BBS7: variants seen among roughly 807,000 people sequenced by gnomAD.
BBS7 encodes Bardet-Biedl syndrome 7, also known as BBSome complex member BBS7.
A neutral mutation model predicts 90.3 loss-of-function variants in BBS7; 50 were observed. That is an observed-to-expected ratio of 0.55 (90% confidence interval 0.44 to 0.70). BBS7 has a LOEUF of 0.70. Among genes scored for constraint, BBS7 ranks in the 30% least tolerant of loss-of-function variants. BBS7 has a pLI of 0.00. For synonymous variants in BBS7, 235 were observed against 287.4 expected (o/e 0.82, Z 1.85); for missense variants, 729 against 838.9 (o/e 0.87, Z 1.62).
In BBS7 at chr4:121,834,959, C is replaced by A. The variant is rs1725377199; in HGVS notation, c.1511+185G>T. On this transcript the variant is annotated intron_variant, in intron 14 of 18. Transcript: ENST00000264499. ...GAAAGATGGGAAAGTCCAACTCAAA[C>A]CAGCCTCTAAAATAAGACAAAGAAT... 4.6e-5 allele frequency among the ~76,000 whole-genome samples: 7 copies of A among 152,064 alleles called. 1 individual carries two copies. The South Asian group carries it at 1.2e-3, about 27-fold the overall frequency.
At chr4:121,838,365 A>G (rs1446900972) in intron 13 of BBS7, among the ~76,000 whole-genome samples, 1 of 65,240 alleles carries the variant, frequency 1.5e-5, no homozygotes, top group Admixed American at 2.1e-4. Context: ...ATCTCTCTTG[A>G]AAAAAAAAAA....
intron 13 of BBS7, among the ~76,000 whole-genome samples, chr4:121,836,155 G>T (rs1326104577): frequency 6.6e-6 from 1 of 152,158 alleles, no homozygotes; most frequent in Non-Finnish European, 1.5e-5. Context: ...GATATCCTGA[G>T]AATTCAACAT....
intron 3 of BBS7, among the ~76,000 whole-genome samples, chr4:121,862,463 T>C (rs1727034446): frequency 6.6e-6 from 1 of 152,198 alleles, no homozygotes. Context: ...TTCCATATAA[T>C]ATATAATGAA....
At chr4:121,828,123 G>A (rs763404489) in intron 18 of BBS7, 23 bp downstream of exon 18, 2 of 1,612,160 alleles carry the variant, frequency 1.2e-6, no homozygotes, top group Non-Finnish European at 1.7e-6. Flanking sequence ...ATATGGCAAG[G>A]TATTCTAGAA....
chr4:121,831,713 C>A (rs1245518550), intron 15 of BBS7, among the ~76,000 whole-genome samples: 1 of 152,032 alleles, frequency 6.6e-6, no homozygotes, highest in Non-Finnish European at 1.5e-5. Flanking sequence ...AGTGAAAAAC[C>A]TCCACAGAAT....
At chr4:121,844,088 G>A in intron 11 of BBS7, 87 bp from the exon 12 acceptor site, 1 of 813,588 alleles carries the variant, frequency 1.2e-6, no homozygotes, top group Non-Finnish European at 2.0e-6. Flanking sequence ...GTTCTCCTTA[G>A]TTCTAGTTTA....
chr4:121,833,277 A>G lies in BBS7; in HGVS notation c.1630T>C (p.Tyr544His). ...GTATCTAGAAAGGTGTTCTGAAAGT[A>G]AAATGTCACACATTCTCCTGCTGGA... Reference protein sequence around the residue: ...KPPAGECVTFYFQNTFLDTQL... With the variant: ...KPPAGECVTFHFQNTFLDTQL... The change falls in exon 15 of 19, where the codon TAC (tyrosine) becomes CAC (histidine). Residue 544 changes from tyrosine (Y) to histidine (H), a missense_variant. Coordinates refer to ENST00000264499, the MANE Select transcript of BBS7 (RefSeq NM_176824.3). The G allele has an allele frequency of 1.2e-6, 2 of 1,614,044 alleles. No homozygotes were observed. The highest frequency in any genetic ancestry group is 1.7e-6 in the Non-Finnish European group (2 of 1,179,942).
intron 2 of BBS7, 96 bp from the exon 3 acceptor site, chr4:121,863,375 T>C: frequency 9.0e-7 from 1 of 1,113,448 alleles, no homozygotes; most frequent in Non-Finnish European, 1.3e-6. Flanking sequence ...TTATAAATAC[T>C]GACTTAATAG....
intron 11 of BBS7, among the ~76,000 whole-genome samples, chr4:121,844,944 C>T (rs564377304): frequency 6.6e-6 from 1 of 152,264 alleles, no homozygotes; most frequent in South Asian, 2.1e-4. Context: ...ACTGTCTTTT[C>T]TAACTCTTCT....
At chr4:121,838,249 G>T (rs1455999108) in intron 13 of BBS7, among the ~76,000 whole-genome samples, 1 of 150,030 alleles carries the variant, frequency 6.7e-6, no homozygotes, top group Non-Finnish European at 1.5e-5. Flanking sequence ...TTCTTTCAAA[G>T]TACATAAAAG....
Position 121,844,009 on chromosome 4 carries a change from C to A in BBS7, c.1231-8G>T. ...ATCTATTGGAACATCACTCTATAGT[C>A]AATATTAAAAAAAAAGAAGGTTGAG... On this transcript the variant is annotated splice_region_variant and splice_polypyrimidine_tract_variant and intron_variant, in intron 11 of 18. Coordinates refer to ENST00000264499, the MANE Select transcript of BBS7 (RefSeq NM_176824.3). The A allele has an allele frequency of 6.5e-7, 1 of 1,545,752 alleles. No individual in the cohort carries two copies. Among genetic ancestry groups the A allele is most frequent in the South Asian group, 1.2e-5 (1 of 85,032 alleles).
chr4:121,828,381 C>G, intron 17 of BBS7, 21 bp downstream of exon 17: 4 of 1,601,312 alleles, frequency 2.5e-6, no homozygotes, highest in Non-Finnish European at 3.4e-6. Flanking sequence ...ATCACCAGTC[C>G]ACGACGACAC....
At chr4:121,864,937 C>G (rs1727176714) in intron 2 of BBS7, among the ~76,000 whole-genome samples, 1 of 152,062 alleles carries the variant, frequency 6.6e-6, no homozygotes, top group Non-Finnish European at 1.5e-5. Context: ...CTATTTGAAA[C>G]TATATATTGT....
chr4:121,838,374 A>AC (rs1342934491), intron 13 of BBS7, among the ~76,000 whole-genome samples: 1 of 151,926 alleles, frequency 6.6e-6, no homozygotes, highest in Non-Finnish European at 1.5e-5. Context: ...GAAAAAAAAA[A>AC]AAAAAACCTT....
At chr4:121,848,304 T>C (rs1443290249) in intron 9 of BBS7, among the ~76,000 whole-genome samples, 1 of 152,196 alleles carries the variant, frequency 6.6e-6, no homozygotes, top group Non-Finnish European at 1.5e-5. Context: ...AAGTTTTAAA[T>C]TGTACAACAT....
chr4:121,827,416 A>C (rs981372983), intron 18 of BBS7, among the ~76,000 whole-genome samples: 3 of 152,204 alleles, frequency 2.0e-5, no homozygotes, highest in Non-Finnish European at 2.9e-5. Flanking sequence ...CTAACTTGCT[A>C]GGTGACAACA....
chr4:121,868,372 A>T (rs1342194137), intron 1 of BBS7, among the ~76,000 whole-genome samples: 1 of 152,168 alleles, frequency 6.6e-6, no homozygotes, highest in East Asian at 1.9e-4. Context: ...CTTTGAAAAT[A>T]GATTATAGTT....
rs1727374072 is a variant in BBS7, at chr4:121,867,910, A to G, written c.102+71T>C. ...ATTTTTAAGAGAATAACTTAATAAT[A>G]AAGAAGGAAATAGGAGCCTCTCCTC... On this transcript the variant is annotated intron_variant, in intron 2 of 18. Coordinates refer to ENST00000264499, the MANE Select transcript of BBS7 (RefSeq NM_176824.3). 9.3e-6 allele frequency: 12 copies of G among 1,290,028 alleles called. No individual in the cohort carries two copies. The South Asian group carries it at 1.1e-4, about 12-fold the overall frequency. The allele number at this position is 1,290,028 out of a possible 1,614,324, so 79.9% of individuals were successfully genotyped here.
chr4:121,835,699 C>T (rs1017335101), intron 13 of BBS7, among the ~76,000 whole-genome samples: 1 of 151,974 alleles, frequency 6.6e-6, no homozygotes, highest in African/African-American at 2.4e-5. Flanking sequence ...ATCTGATAAA[C>T]TTATATTTTG....
Sources: allele counts gnomAD v4.1 joint callset (sites outside exome capture counted in the v4.1 genomes callset), GRCh38; gene constraint gnomAD v4.1.1; transcripts MANE v1.5; gene names NCBI Gene and HGNC (gene_info 2026-07-23, HGNC 2026-07-21).